The following SFMBT1 variants were observed in gnomAD, a reference collection of about 807,000 sequenced individuals.
The protein encoded by SFMBT1 is Scm like with four mbt domains 1, also known as scm-like with four MBT domains protein 1.
A neutral mutation model predicts 108.7 loss-of-function variants in SFMBT1; 32 were observed. The ratio of observed to expected loss-of-function variants is 0.29; its 90% CI spans 0.22 to 0.40. The LOEUF is 0.40. Ranked by LOEUF, SFMBT1 falls within the 10% of genes least tolerant of loss-of-function variation. SFMBT1 has a pLI of 1.00. For synonymous variants in SFMBT1, 348 were observed against 369.5 expected, an observed-to-expected ratio of 0.94 and a Z score of 0.67; for missense variants, 816 against 1,059.6, an observed-to-expected ratio of 0.77 and a Z score of 3.19.
rs201063591 is a variant in SFMBT1, at chr3:52,928,351, C to T, written c.898-10G>A. The T allele has an allele frequency of 2.5e-6, 4 of 1,611,960 alleles. No homozygotes were observed. Among genetic ancestry groups the T allele is most frequent in the African/African-American group, 2.7e-5 (2 of 74,978 alleles). On this transcript the variant is annotated splice_polypyrimidine_tract_variant and intron_variant, in intron 8 of 20. Transcript: ENST00000394752. ...ACTTCTCATCAAAAACCTATACATG[C>T]AATTAATAGATGAAATAGACAAATG... is the stretch of plus-strand genomic sequence containing the variant.
intron 1 of SFMBT1, among the ~76,000 whole-genome samples, chr3:53,001,936 C>G (rs569016452): frequency 7.2e-6 from 1 of 139,022 alleles, no homozygotes; most frequent in African/African-American, 2.9e-5. Context: ...CACACACACA[C>G]ACACACACAC....
intron 1 of SFMBT1, among the ~76,000 whole-genome samples, chr3:53,012,310 G>A (rs1014293699): frequency 1.3e-5 from 2 of 152,230 alleles, no homozygotes; most frequent in African/African-American, 4.8e-5. Flanking sequence ...ACTGAAGGCC[G>A]TGAATAAGAA....
In SFMBT1 at chr3:52,930,135, C is replaced by T. The variant is rs551766503; in HGVS notation, c.897+194G>A. On this transcript the variant is annotated intron_variant, in intron 8 of 20. Transcript: ENST00000394752. ...AGGCCCAAGGCTGCTTTGGCTAGGG[C>T]TACCAAGCTCTGAAGGAGGAATGGG... Among the ~76,000 whole-genome samples the T allele has an allele frequency of 9.1e-4, 139 of 152,312 alleles. 1 individual carries two copies. The highest frequency in any genetic ancestry group is 3.4e-3 in the Middle Eastern group (1 of 294).
chr3:52,907,827 T>A, intron 17 of SFMBT1, 94 bp from the exon 18 acceptor site: 1 of 1,157,294 alleles, frequency 8.6e-7, no homozygotes, highest in Non-Finnish European at 1.2e-6. Flanking sequence ...AAAAAACAGG[T>A]ACATTGTATT....
chr3:52,903,911 A>C lies in SFMBT1; in HGVS notation c.*1225T>G, dbSNP rs1222348366. 2 of 152,226 alleles carry C rather than the reference A, an allele frequency of 1.3e-5. No individual in the cohort carries two copies. Among genetic ancestry groups the C allele is most frequent in the African/African-American group, 4.8e-5 (2 of 41,452 alleles). 9.4% of individuals were successfully genotyped at this position (152,226 alleles called of 1,614,324 possible). On this transcript the variant is annotated 3_prime_UTR_variant, in exon 21 of 21. Transcript: ENST00000394752. Reference sequence around the variant, plus strand: ...TTGTTTAAATGGGAATCCTCGGACTAAAGATTATATTCAATTTAAAGGATT... The same window carrying C: ...TTGTTTAAATGGGAATCCTCGGACTCAAGATTATATTCAATTTAAAGGATT...
intron 1 of SFMBT1, among the ~76,000 whole-genome samples, chr3:52,969,472 G>A (rs779911516): frequency 6.6e-6 from 1 of 152,092 alleles, no homozygotes; most frequent in East Asian, 1.9e-4. Context: ...TGTAGAGAAC[G>A]CACACTATCG....
chr3:52,911,788 C>T (rs1358306834), intron 16 of SFMBT1, among the ~76,000 whole-genome samples: 1 of 152,146 alleles, frequency 6.6e-6, no homozygotes, highest in African/African-American at 2.4e-5. Context: ...GCAACCTCCG[C>T]CTCCCAGGTC....
At chr3:52,991,120 C>T (rs910138451) in intron 1 of SFMBT1, among the ~76,000 whole-genome samples, 1 of 152,136 alleles carries the variant, frequency 6.6e-6, no homozygotes, top group Non-Finnish European at 1.5e-5. Context: ...CTTTGTTTCA[C>T]TGAATAACTG....
chr3:52,928,120 A>C, intron 9 of SFMBT1, 71 bp downstream of exon 9: 2 of 1,553,708 alleles, frequency 1.3e-6, no homozygotes, highest in Non-Finnish European at 1.7e-6. Flanking sequence ...AGATTTCAGC[A>C]ATGCCATCTG....
At chr3:52,952,432 T>G (rs986288067) in intron 3 of SFMBT1, among the ~76,000 whole-genome samples, 2 of 152,206 alleles carry the variant, frequency 1.3e-5, no homozygotes, top group African/African-American at 4.8e-5. Flanking sequence ...AAAATTTGTA[T>G]GTTCAAACCC....
chr3:53,031,015 C>G (rs72965361), intron 1 of SFMBT1, among the ~76,000 whole-genome samples: 11,530 of 152,166 alleles, frequency 0.076, 1,199 homozygotes, highest in African/African-American at 0.22. Context: ...AAGCATGATG[C>G]GGGGCAGGGG....
At chr3:53,012,353 C>A (rs1417912509) in intron 1 of SFMBT1, among the ~76,000 whole-genome samples, 1 of 151,052 alleles carries the variant, frequency 6.6e-6, no homozygotes, top group Non-Finnish European at 1.5e-5. Context: ...AGCAAATGGA[C>A]AAGATTCAAT....
intron 1 of SFMBT1, among the ~76,000 whole-genome samples, chr3:52,970,886 C>A (rs1239866754): frequency 6.6e-6 from 1 of 152,182 alleles, no homozygotes; most frequent in Non-Finnish European, 1.5e-5. Flanking sequence ...GTAATCCTAG[C>A]ACTTTGGGAG....
At chr3:52,931,918 T>G (rs1408453915) in intron 6 of SFMBT1, 144 bp downstream of exon 6, 2 of 928,218 alleles carry the variant, frequency 2.2e-6, no homozygotes, top group South Asian at 1.9e-5. Context: ...ATTTAACAAC[T>G]CCATATAAAC....
rs11386672 is a variant in SFMBT1, at chr3:53,031,596, TA to T, written c.-131+14219del. On this transcript the variant is annotated intron_variant, in intron 1 of 20. Transcript: ENST00000394752. ...ATTCAGAACTAAAACTATAACACTG[TA>T]AAAAAAAAAAAGTGTCCAGGGATAG... Among the ~76,000 whole-genome samples the T allele has an allele frequency of 2.0e-3, 300 of 147,460 alleles. 4 individuals are homozygous for T. In the South Asian group the frequency reaches 0.047, roughly 23 times the overall value.
chr3:53,044,572 C>T (rs1700152509), intron 1 of SFMBT1, among the ~76,000 whole-genome samples: 1 of 152,224 alleles, frequency 6.6e-6, no homozygotes, highest in African/African-American at 2.4e-5. Context: ...CCTTCATCCT[C>T]TCGCCAGTTG....
intron 5 of SFMBT1, among the ~76,000 whole-genome samples, chr3:52,933,172 G>A (rs1033866805): frequency 1.3e-5 from 2 of 151,988 alleles, no homozygotes; most frequent in Non-Finnish European, 2.9e-5. Context: ...TACATCATAG[G>A]TATCTTTCTA....
intron 1 of SFMBT1, among the ~76,000 whole-genome samples, chr3:52,996,691 G>T (rs1323651500): frequency 6.7e-6 from 1 of 150,336 alleles, no homozygotes; most frequent in African/African-American, 2.4e-5. Flanking sequence ...ATTTAATAAG[G>T]ATGGAGAAGT....
chr3:53,007,261 C>T (rs539402171), intron 1 of SFMBT1, among the ~76,000 whole-genome samples: 3 of 152,286 alleles, frequency 2.0e-5, no homozygotes, highest in South Asian at 2.1e-4. Context: ...GACCTCTTTT[C>T]CCCCGCTAGG....
Sources: gnomAD v4.1 joint callset for allele counts (sites outside exome capture counted in the v4.1 genomes callset) on GRCh38, gnomAD v4.1.1 for gene constraint, MANE v1.5 for transcripts, NCBI Gene and HGNC (gene_info 2026-07-23, HGNC 2026-07-21) for gene names.